Variants in FMNL3 observed in about 807,000 individuals in gnomAD.
FMNL3 encodes formin like 3.
A neutral mutation model predicts 119.6 loss-of-function variants in FMNL3; 57 were observed. That is an observed-to-expected ratio of 0.48 (90% confidence interval 0.39 to 0.59). The LOEUF is 0.59. FMNL3 is among the 20% of genes least tolerant of loss of function. FMNL3 has a pLI of 0.00. For missense variants in FMNL3, 1,053 were observed against 1,323.5 expected (o/e 0.80, Z 3.17); for synonymous variants, 491 against 507.3 (o/e 0.97, Z 0.43).
At chr12:49,648,909 C>T in intron 21 of FMNL3, 120 bp downstream of exon 21, 1 of 1,439,858 alleles carries the variant, frequency 6.9e-7, no homozygotes, top group Non-Finnish European at 9.2e-7. Flanking sequence ...TTGAAGTGGT[C>T]AGAAAGAAGA....
At chr12:49,690,583 G>A (rs971530631) in intron 1 of FMNL3, among the ~76,000 whole-genome samples, 9 of 152,096 alleles carry the variant, frequency 5.9e-5, no homozygotes, top group African/African-American at 2.2e-4. Flanking sequence ...AAAACTTCTC[G>A]AATAGCAGAT....
intron 3 of FMNL3, 34 bp from the exon 4 acceptor site, chr12:49,665,942 G>C: frequency 1.2e-6 from 2 of 1,609,642 alleles, no homozygotes; most frequent in Non-Finnish European, 8.5e-7. Flanking sequence ...GGGAATACAA[G>C]AGGGCAGTTA....
At chr12:49,692,820 T>G (rs2139010318) in intron 1 of FMNL3, among the ~76,000 whole-genome samples, 1 of 152,272 alleles carries the variant, frequency 6.6e-6, no homozygotes, top group Middle Eastern at 3.4e-3. Context: ...ATGAATAGGA[T>G]GCTAACTAAG....
chr12:49,684,635 C>T (rs1398034286), intron 1 of FMNL3, among the ~76,000 whole-genome samples: 2 of 152,094 alleles, frequency 1.3e-5, no homozygotes, highest in Admixed American at 1.3e-4. Flanking sequence ...CCCATAAATG[C>T]ACAAGAGATT....
chr12:49,651,034 T>C, intron 16 of FMNL3, 134 bp downstream of exon 16: 1 of 1,462,578 alleles, frequency 6.8e-7, no homozygotes, highest in Non-Finnish European at 9.4e-7. Flanking sequence ...ATACGTACAC[T>C]CAAGAATGAA....
At chr12:49,697,060 A>G (rs1298965625) in intron 1 of FMNL3, among the ~76,000 whole-genome samples, 1 of 152,248 alleles carries the variant, frequency 6.6e-6, no homozygotes, top group Non-Finnish European at 1.5e-5. Flanking sequence ...CCACAGGTTT[A>G]ACTGGATTTC....
intron 1 of FMNL3, among the ~76,000 whole-genome samples, chr12:49,700,974 G>C (rs1030945854): frequency 6.6e-6 from 1 of 150,960 alleles, no homozygotes; most frequent in African/African-American, 2.4e-5. Context: ...AGCTACTTGG[G>C]AGGCTGAGGC....
At chr12:49,648,892 G>T in intron 21 of FMNL3, 137 bp downstream of exon 21, 1 of 1,344,436 alleles carries the variant, frequency 7.4e-7, no homozygotes, top group Non-Finnish European at 9.8e-7. Context: ...GGCTCCAGCG[G>T]AAAGCTTTGA....
Position 49,656,880 on chromosome 12 carries a change from A to G in FMNL3, c.734T>C (p.Met245Thr). ...MNYQYGFNLV[M>T]SHPHAVNEIA... is the part of the protein sequence containing the mutation. ...CTCATTGACAGCATGGGGGTGGGACATGACCAGGTTGAATCCGTACTGCAA... is the reference window on the plus strand; with the variant it reads ...CTCATTGACAGCATGGGGGTGGGACGTGACCAGGTTGAATCCGTACTGCAA... Residue 245 changes from methionine (M) to threonine (T), a missense_variant, in exon 8 of 26, where the codon ATG (methionine) becomes ACG (threonine). Met to Thr is a moderately conservative substitution (Grantham distance 81, BLOSUM62 -1). Around this residue, in one of 4 missense-constraint regions of FMNL3, gnomAD observed 445 missense variants for 628.4 expected, o/e 0.71. Coordinates refer to ENST00000335154, the MANE Select transcript of FMNL3 (RefSeq NM_175736.5). The G allele has an allele frequency of 6.2e-7, 1 of 1,614,140 alleles. No homozygotes were observed. Among genetic ancestry groups the G allele is most frequent in the Non-Finnish European group, 8.5e-7 (1 of 1,179,996 alleles).
chr12:49,688,209 A>C (rs1436805469), intron 1 of FMNL3, among the ~76,000 whole-genome samples: 4 of 152,218 alleles, frequency 2.6e-5, no homozygotes, highest in African/African-American at 9.6e-5. Flanking sequence ...ACTGAGCACC[A>C]GTCAAACCTG....
At position 49,642,029 on chromosome 12, in the gene FMNL3, GGGGCT is replaced by G; in HGVS notation, c.*3781_*3785del. 1.2e-6 allele frequency: 2 copies of G among 1,611,120 alleles called. No individual in the cohort carries two copies. Among genetic ancestry groups the G allele is most frequent in the Non-Finnish European group, 1.7e-6 (2 of 1,179,694 alleles). On this transcript the variant is annotated 3_prime_UTR_variant, in exon 26 of 26. Coordinates refer to ENST00000335154, the MANE Select transcript of FMNL3 (RefSeq NM_175736.5). The surrounding 1 kb of genome is among the most constrained non-coding windows in gnomAD (Gnocchi z 5.8). ...ATCAAGCTGACCTTCAATAGTGTGA[GGGGCT>G]GGGCGGGGCGTGGGAAGTTCTCTAA...
rs1943397568 is a variant in FMNL3 at position 49,651,441 on chromosome 12, G to A, written c.1613C>T (p.Pro538Leu). 2 of 1,478,668 alleles carry A rather than the reference G, an allele frequency of 1.4e-6. No individual in the cohort carries two copies. The highest frequency in any genetic ancestry group is 1.9e-4 in the Middle Eastern group (1 of 5,328). The allele number at this position is 1,478,668 out of a possible 1,614,324, so 91.6% of individuals were successfully genotyped here. A position where few individuals can be genotyped will look rare whatever the true frequency, so the allele number is the denominator to read the frequency against. Residue 538 changes from proline to leucine, a missense_variant, in exon 15 of 26, where the codon CCC becomes CTC. By Grantham distance (98) the Pro-to-Leu change is moderately conservative (BLOSUM62 -3). Transcript: ENST00000335154. Reference protein sequence around the residue: ...PPPPPLPDKCPPAPPLPGAAP... With the variant: ...PPPPPLPDKCLPAPPLPGAAP... ...AGCACCAGGGAGAGGTGGGGCTGGG[G>A]GACACTTGTCTGGGGGAAGAAGAAA...
Position 49,651,150 on chromosome 12 carries a change from G to A in FMNL3, c.1797+18C>T. 1.2e-6 allele frequency: 2 copies of A among 1,610,608 alleles called. No homozygotes were observed. Among genetic ancestry groups the A allele is most frequent in the Non-Finnish European group, 1.7e-6 (2 of 1,177,034 alleles). On this transcript the variant is annotated intron_variant, in intron 16 of 25. Coordinates refer to ENST00000335154, the MANE Select transcript of FMNL3 (RefSeq NM_175736.5). ...CCTAGCCCTCAACCTTAGCCCTCTGGACCCCAGGCCCTGTTACCTCCAAGA... is the reference window on the plus strand; with the variant it reads ...CCTAGCCCTCAACCTTAGCCCTCTGAACCCCAGGCCCTGTTACCTCCAAGA...
At chr12:49,650,013 G>T (rs1943345168) in intron 17 of FMNL3, 88 bp from the exon 18 acceptor site, 2 of 1,165,914 alleles carry the variant, frequency 1.7e-6, no homozygotes, top group Non-Finnish European at 2.4e-6. Context: ...TAGAAGAACT[G>T]GACAGGGGAC....
Position 49,647,585 on chromosome 12 carries a change from G to T in FMNL3, c.2778+118C>A. The T allele has an allele frequency of 3.0e-6, 3 of 1,002,534 alleles. No individual in the cohort carries two copies. Among genetic ancestry groups the T allele is most frequent in the South Asian group, 1.5e-5 (1 of 67,550 alleles). 62.1% of individuals were successfully genotyped at this position (1,002,534 alleles called of 1,614,324 possible). On this transcript the variant is annotated intron_variant, in intron 23 of 25. Coordinates refer to ENST00000335154, the MANE Select transcript of FMNL3 (RefSeq NM_175736.5). This position sits in a 1 kb window ranked among gnomAD's most constrained non-coding sequence, Gnocchi z 4.9. ...AAGAGGCCTGTCACCAGCTTGCATC[G>T]CTCCCTTCCCAGGACTCGGAGGAGG...
At chr12:49,685,859 G>C (rs1344614177) in intron 1 of FMNL3, among the ~76,000 whole-genome samples, 1 of 152,146 alleles carries the variant, frequency 6.6e-6, no homozygotes, top group East Asian at 1.9e-4. Flanking sequence ...TTGAGGTCAG[G>C]AATTTAAGAC....
rs200375855 is a variant in FMNL3, at chr12:49,636,761, G to A, written c.*9054C>T. 7 of 1,614,192 alleles carry A rather than the reference G, an allele frequency of 4.3e-6. No individual in the cohort carries two copies. Among genetic ancestry groups the A allele is most frequent in the East Asian group, 4.5e-5 (2 of 44,888 alleles). On this transcript the variant is annotated 3_prime_UTR_variant, in exon 26 of 26. Coordinates refer to ENST00000335154, the MANE Select transcript of FMNL3 (RefSeq NM_175736.5). ...CTGATCTGTTTTGAGGAGCACATCC[G>A]AGCTTTGGAGAGGGAAGAGGAGGAG... is the stretch of plus-strand genomic sequence containing the variant.
intron 1 of FMNL3, among the ~76,000 whole-genome samples, chr12:49,704,508 C>T (rs1289162553): frequency 1.3e-5 from 2 of 152,076 alleles, no homozygotes; most frequent in Non-Finnish European, 1.5e-5. Flanking sequence ...GTCAGGAGTT[C>T]GAGACCAGCC....
Position 49,642,624 on chromosome 12 carries a change from C to T in FMNL3, c.*3191G>A. On this transcript the variant is annotated 3_prime_UTR_variant, in exon 26 of 26. Transcript: ENST00000335154. This position sits in a 1 kb window ranked among gnomAD's most constrained non-coding sequence, Gnocchi z 5.8. ...GTGACTCAGCCTTTGAGCAGATCACCCTGGAGTCGGAGCGGATCCGGCTCT... is the reference window on the plus strand; with the variant it reads ...GTGACTCAGCCTTTGAGCAGATCACTCTGGAGTCGGAGCGGATCCGGCTCT... The T allele has an allele frequency of 5.0e-6, 8 of 1,614,202 alleles. No homozygotes were observed. The highest frequency in any genetic ancestry group is 6.8e-6 in the Non-Finnish European group (8 of 1,180,026).
Sources: allele counts gnomAD v4.1 joint callset (sites outside exome capture counted in the v4.1 genomes callset), GRCh38; gene constraint gnomAD v4.1.1; regional missense constraint gnomAD v4.1.1; non-coding constraint Gnocchi (gnomAD v3.1); transcripts MANE v1.5; gene names NCBI Gene and HGNC (gene_info 2026-07-23, HGNC 2026-07-21).